TAFA5: variants seen among roughly 807,000 people sequenced by gnomAD.
The protein encoded by TAFA5 is chemokine-like protein TAFA-5.
TAFA5 carries 6 observed loss-of-function variants against 15.3 expected under a neutral mutation model. That is an observed-to-expected ratio of 0.39 (90% CI 0.21 to 0.77). TAFA5 has a LOEUF of 0.77. Among genes scored for constraint, TAFA5 ranks in the 30% least tolerant of loss-of-function variants. The probability of loss-of-function intolerance (pLI) is 0.41; values close to 1 mark genes in which losing one functional copy is unlikely to be tolerated. For missense variants in TAFA5, 161 were observed against 193.1 expected, an observed-to-expected ratio of 0.83 and a Z score of 0.98; for synonymous variants, 103 against 80.7, an observed-to-expected ratio of 1.28 and a Z score of -1.48.
intron 1 of TAFA5, among the ~76,000 whole-genome samples, chr22:48,620,843 A>G (rs1431187319): frequency 1.8e-5 from 1 of 56,642 alleles, no homozygotes; most frequent in Non-Finnish European, 3.2e-5. Flanking sequence ...CACCCACACT[A>G]TCCATCCACC....
chr22:48,601,826 C>T (rs1924984647), intron 1 of TAFA5, among the ~76,000 whole-genome samples: 1 of 152,220 alleles, frequency 6.6e-6, no homozygotes, highest in African/African-American at 2.4e-5. Flanking sequence ...TTCCACGTTT[C>T]ACTCCTTTGG....
At chr22:48,626,331 G>A (rs1174188668) in intron 1 of TAFA5, among the ~76,000 whole-genome samples, 2 of 152,142 alleles carry the variant, frequency 1.3e-5, no homozygotes, top group African/African-American at 4.8e-5. Context: ...GAGCGTTCCT[G>A]TTGTGCCATA....
intron 3 of TAFA5, among the ~76,000 whole-genome samples, chr22:48,711,975 C>T (rs1316066913): frequency 6.6e-6 from 1 of 152,278 alleles, no homozygotes; most frequent in Non-Finnish European, 1.5e-5. Context: ...AATGCCTGCG[C>T]CTCTCTGTGT....
intron 1 of TAFA5, among the ~76,000 whole-genome samples, chr22:48,542,398 T>C (rs1401027335): frequency 1.6e-5 from 2 of 121,852 alleles, no homozygotes; most frequent in African/African-American, 6.6e-5. Context: ...GTGGTGTGTG[T>C]GTGCGTGTGT....
intron 1 of TAFA5, among the ~76,000 whole-genome samples, chr22:48,522,508 C>T (rs1284778080): frequency 6.6e-6 from 1 of 152,124 alleles, no homozygotes; most frequent in Non-Finnish European, 1.5e-5. Flanking sequence ...TGTGACTCTA[C>T]ACTCGCGTCC....
At chr22:48,648,310 C>T (rs1048530391) in intron 2 of TAFA5, among the ~76,000 whole-genome samples, 15 of 152,152 alleles carry the variant, frequency 9.9e-5, no homozygotes, top group Non-Finnish European at 1.9e-4. Flanking sequence ...GTCCTTTCCT[C>T]CCCCACTCCC....
At chr22:48,745,248 G>A (rs1004166799) in intron 3 of TAFA5, among the ~76,000 whole-genome samples, 41 of 151,060 alleles carry the variant, frequency 2.7e-4, no homozygotes, top group African/African-American at 9.5e-4. Flanking sequence ...CGGCTTTGTC[G>A]GCGGCGGCTG....
intron 3 of TAFA5, among the ~76,000 whole-genome samples, chr22:48,727,099 G>A (rs894703191): frequency 1.3e-5 from 2 of 152,138 alleles, no homozygotes; most frequent in African/African-American, 4.8e-5. Flanking sequence ...AGTCAATCAG[G>A]AAAGAAAGAA....
At chr22:48,669,899 T>G (rs5771926) in intron 2 of TAFA5, among the ~76,000 whole-genome samples, 1 of 152,236 alleles carries the variant, frequency 6.6e-6, no homozygotes, top group African/African-American at 2.4e-5. Flanking sequence ...CCTAAGGCTG[T>G]GCTGCCTCCC....
intron 3 of TAFA5, 148 bp downstream of exon 3, chr22:48,707,992 C>A: frequency 1.9e-6 from 2 of 1,073,298 alleles, no homozygotes; most frequent in African/African-American, 1.6e-5. Flanking sequence ...TCCTCCCCCA[C>A]CTCCCTCTCT....
At position 48,554,895 on chromosome 22, in the gene TAFA5, C is replaced by T. The variant is rs564523870; in HGVS notation, c.112+65191C>T. On this transcript the variant is annotated intron_variant, in intron 1 of 3. Coordinates refer to ENST00000402357, the MANE Select transcript of TAFA5 (RefSeq NM_001082967.3). ...ACACTCATGGTCAGGTGCTTCCTCT[C>T]CCCATAGTGGTCCTGAGAGGGGGTC... Among the ~76,000 whole-genome samples, 3 of 152,328 alleles carry T rather than the reference C, an allele frequency of 2.0e-5. No individual in the cohort carries two copies. The South Asian group carries it at 6.2e-4, about 32-fold the overall frequency.
intron 2 of TAFA5, among the ~76,000 whole-genome samples, chr22:48,657,253 T>C (rs975013980): frequency 6.6e-6 from 1 of 152,232 alleles, no homozygotes; most frequent in Admixed American, 6.5e-5. Context: ...TATGAACAAT[T>C]GTATGCCAAT....
chr22:48,513,901 G>A (rs560137512), intron 1 of TAFA5, among the ~76,000 whole-genome samples: 15 of 152,324 alleles, frequency 9.8e-5, no homozygotes, highest in Non-Finnish European at 1.9e-4. Context: ...TCTCAGCTTG[G>A]ATGAGGGCTC....
At chr22:48,653,315 A>G (rs1247628273) in intron 2 of TAFA5, among the ~76,000 whole-genome samples, 1 of 152,168 alleles carries the variant, frequency 6.6e-6, no homozygotes, top group Non-Finnish European at 1.5e-5. Context: ...TGTGAGGAAG[A>G]TGGTGGGAAG....
chr22:48,513,439 C>T (rs992075637), intron 1 of TAFA5, among the ~76,000 whole-genome samples: 3 of 152,224 alleles, frequency 2.0e-5, no homozygotes, highest in Non-Finnish European at 2.9e-5. Context: ...CAGAGGCCTT[C>T]TGTCATGGGC....
At chr22:48,674,363 G>A (rs1054195437) in intron 2 of TAFA5, among the ~76,000 whole-genome samples, 11 of 152,150 alleles carry the variant, frequency 7.2e-5, no homozygotes, top group African/African-American at 2.4e-4. Flanking sequence ...TCTGGCACCC[G>A]TCCATGCCTG....
At chr22:48,571,574 GTTTTTTTTTTTT>G (rs57578802) in intron 1 of TAFA5, among the ~76,000 whole-genome samples, 605 of 29,224 alleles carry the variant, frequency 0.021, 1 homozygote, top group Non-Finnish European at 0.028. Flanking sequence ...TGCCTGGCCT[GTTTTTTTTTTTT>G]TTTTTTTTTT....
intron 1 of TAFA5, among the ~76,000 whole-genome samples, chr22:48,564,469 G>C (rs1319581399): frequency 6.6e-6 from 1 of 152,260 alleles, no homozygotes; most frequent in African/African-American, 2.4e-5. Flanking sequence ...GCTTGCAGCT[G>C]CAGGACAGTG....
intron 2 of TAFA5, among the ~76,000 whole-genome samples, chr22:48,691,728 G>T (rs1259134854): frequency 6.6e-6 from 1 of 152,260 alleles, no homozygotes; most frequent in African/African-American, 2.4e-5. Flanking sequence ...CTGCTCAGGA[G>T]GAAGGCCAGG....
Sources: gnomAD v4.1 joint callset for allele counts (sites outside exome capture counted in the v4.1 genomes callset) on GRCh38, gnomAD v4.1.1 for gene constraint, MANE v1.5 for transcripts, NCBI Gene and HGNC (gene_info 2026-07-23, HGNC 2026-07-21) for gene names.